The following CADM1 variants were observed in gnomAD, a reference collection of about 807,000 sequenced individuals.
CADM1 encodes cell adhesion molecule 1.
In CADM1, 15 loss-of-function variants were observed where a neutral mutation model predicts 53.1. The ratio of observed to expected loss-of-function variants is 0.28; its 90% CI spans 0.19 to 0.44. CADM1 has a LOEUF of 0.44. Ranked by LOEUF, CADM1 falls within the 20% of genes least tolerant of loss-of-function variation. CADM1 has a pLI of 1.00. For synonymous variants in CADM1, 281 were observed against 243.0 expected, an observed-to-expected ratio of 1.16 and a Z score of -1.45; for missense variants, 434 against 611.3, an observed-to-expected ratio of 0.71 and a Z score of 3.06.
intron 1 of CADM1, among the ~76,000 whole-genome samples, chr11:115,412,835 G>A (rs1019968131): frequency 6.6e-6 from 1 of 152,044 alleles, no homozygotes; most frequent in African/African-American, 2.4e-5. Flanking sequence ...AAACAGCCAC[G>A]CACCATAATG....
intron 1 of CADM1, among the ~76,000 whole-genome samples, chr11:115,485,543 C>T (rs1330818326): frequency 2.0e-5 from 3 of 152,266 alleles, no homozygotes; most frequent in South Asian, 2.1e-4. Context: ...ATCATGGGGG[C>T]GGTTTCCCCC....
At chr11:115,205,427 A>C (rs564981499) in intron 8 of CADM1, among the ~76,000 whole-genome samples, 5 of 152,296 alleles carry the variant, frequency 3.3e-5, no homozygotes, top group Non-Finnish European at 5.9e-5. Flanking sequence ...GTTAAAAACA[A>C]GACAGAACAA....
At chr11:115,496,766 C>A (rs1949626044) in intron 1 of CADM1, among the ~76,000 whole-genome samples, 1 of 151,838 alleles carries the variant, frequency 6.6e-6, no homozygotes, top group Non-Finnish European at 1.5e-5. Context: ...AACAATCAGC[C>A]CCATTTTATT....
At chr11:115,265,563 A>G (rs962409052) in intron 1 of CADM1, among the ~76,000 whole-genome samples, 3 of 152,178 alleles carry the variant, frequency 2.0e-5, no homozygotes, top group Admixed American at 6.5e-5. Context: ...CATCCCTCAT[A>G]AAATCATGGA....
At chr11:115,224,224 C>T (rs1231903555) in intron 5 of CADM1, among the ~76,000 whole-genome samples, 4 of 151,720 alleles carry the variant, frequency 2.6e-5, no homozygotes, top group East Asian at 1.9e-4. Flanking sequence ...TATTTTGGCA[C>T]AGATAAAGAA....
rs192678871 is a variant in CADM1, at chr11:115,311,990, C to T, written c.125-71570G>A. ...ACTCAATGTATTTAATATGTTTCTTCATCTTTTAATTTGTTCATCAACTAT... is the reference window on the plus strand; with the variant it reads ...ACTCAATGTATTTAATATGTTTCTTTATCTTTTAATTTGTTCATCAACTAT... On this transcript the variant is annotated intron_variant, in intron 1 of 11. Coordinates refer to ENST00000331581, the MANE Select transcript of CADM1 (RefSeq NM_001301043.2). Among the ~76,000 whole-genome samples the T allele has an allele frequency of 3.0e-3, 456 of 152,210 alleles. 7 individuals are homozygous for T. The highest frequency in any genetic ancestry group is 0.01 in the African/African-American group (431 of 41,540).
At chr11:115,385,993 A>G (rs186786099) in intron 1 of CADM1, among the ~76,000 whole-genome samples, 21 of 152,382 alleles carry the variant, frequency 1.4e-4, no homozygotes, top group African/African-American at 4.3e-4. Flanking sequence ...ACACATTCAG[A>G]TATTAAGATT....
At chr11:115,188,080 C>T (rs535955990) in intron 10 of CADM1, among the ~76,000 whole-genome samples, 8 of 152,256 alleles carry the variant, frequency 5.3e-5, no homozygotes, top group East Asian at 3.9e-4. Context: ...TATTTACCAC[C>T]TCACTCCACT....
At chr11:115,195,094 A>G (rs576656661) in intron 9 of CADM1, among the ~76,000 whole-genome samples, 2 of 152,352 alleles carry the variant, frequency 1.3e-5, no homozygotes, top group South Asian at 4.1e-4. Flanking sequence ...TCCTTATTCA[A>G]AGAAGATCCC....
At chr11:115,464,239 G>A (rs1416538581) in intron 1 of CADM1, among the ~76,000 whole-genome samples, 1 of 152,144 alleles carries the variant, frequency 6.6e-6, no homozygotes, top group African/African-American at 2.4e-5. Flanking sequence ...CCGAAGGAAG[G>A]GAAAAGTATG....
chr11:115,475,074 A>T (rs1041628238), intron 1 of CADM1, among the ~76,000 whole-genome samples: 4 of 152,022 alleles, frequency 2.6e-5, no homozygotes, highest in African/African-American at 7.2e-5. Flanking sequence ...TGGGTCCAGG[A>T]CCCCTTCTCA....
At chr11:115,226,093 G>A (rs1405636347) in intron 5 of CADM1, among the ~76,000 whole-genome samples, 1 of 151,978 alleles carries the variant, frequency 6.6e-6, no homozygotes, top group Non-Finnish European at 1.5e-5. Flanking sequence ...TTCTCACCGA[G>A]AACATAAGAA....
At chr11:115,220,242 C>T (rs1565306164) in intron 5 of CADM1, among the ~76,000 whole-genome samples, 1 of 152,092 alleles carries the variant, frequency 6.6e-6, no homozygotes, top group Non-Finnish European at 1.5e-5. Flanking sequence ...ATTTTACATG[C>T]TCAACTTCCA....
rs1046002913 is a variant in CADM1 at position 115,229,123 on chromosome 11, T to C, written c.711A>G (p.Leu237=). 7.4e-6 allele frequency: 12 copies of C among 1,613,988 alleles called. No homozygotes were observed. The highest frequency in any genetic ancestry group is 3.3e-5 in the South Asian group (3 of 91,080). The change falls in exon 5 of 12, where the codon CTA becomes CTG. Residue 237 remains leucine, a synonymous_variant. Coordinates refer to ENST00000331581, the MANE Select transcript of CADM1 (RefSeq NM_001301043.2). ...TACCAGGGTACTCACACTGTACTTC[T>C]AGATACCGCTGGGTCTGCAGGTTTC... is the stretch of plus-strand genomic sequence containing the variant. ...VTGNLQTQRY[L]EVQYKPQVHI...
intron 1 of CADM1, among the ~76,000 whole-genome samples, chr11:115,482,247 T>C (rs1472779290): frequency 6.6e-6 from 1 of 152,234 alleles, no homozygotes; most frequent in Non-Finnish European, 1.5e-5. Context: ...GAGTTAGACA[T>C]TCCTCTTCTA....
intron 9 of CADM1, among the ~76,000 whole-genome samples, chr11:115,192,670 T>C (rs577340825): frequency 6.6e-6 from 1 of 152,326 alleles, no homozygotes; most frequent in South Asian, 2.1e-4. Context: ...CTGAACCACA[T>C]TAAACAAGGA....
intron 9 of CADM1, chr11:115,191,149 C>T (rs1048806436): frequency 3.6e-5 from 20 of 557,568 alleles, no homozygotes; most frequent in Non-Finnish European, 4.5e-5. Context: ...AAAGATTCCT[C>T]AGTCTCCACT....
At chr11:115,368,923 C>A (rs1264260028) in intron 1 of CADM1, among the ~76,000 whole-genome samples, 1 of 146,334 alleles carries the variant, frequency 6.8e-6, no homozygotes, top group Non-Finnish European at 1.5e-5. Context: ...TTGAAATAGT[C>A]AAGGTGACTA....
At chr11:115,466,209 C>A (rs1300311349) in intron 1 of CADM1, among the ~76,000 whole-genome samples, 1 of 152,170 alleles carries the variant, frequency 6.6e-6, no homozygotes, top group Non-Finnish European at 1.5e-5. Flanking sequence ...TCCTGTCCAC[C>A]AGAGTGAATG....
Sources: gnomAD v4.1 joint callset for allele counts (sites outside exome capture counted in the v4.1 genomes callset) on GRCh38, gnomAD v4.1.1 for gene constraint, MANE v1.5 for transcripts, NCBI Gene and HGNC (gene_info 2026-07-23, HGNC 2026-07-21) for gene names.